Variants in NCAPD3 observed in about 807,000 individuals in gnomAD.
The protein encoded by NCAPD3 is non-SMC condensin II complex subunit D3, also known as condensin-2 complex subunit D3.
Under a neutral mutation model 182.9 loss-of-function variants are expected in NCAPD3, and 105 were observed. The ratio of observed to expected loss-of-function variants is 0.57; its 90% CI spans 0.49 to 0.68. The LOEUF is 0.68. Ranked by LOEUF, NCAPD3 falls within the 30% of genes least tolerant of loss-of-function variation. The probability of loss-of-function intolerance (pLI) is 0.00; values close to 1 mark genes in which losing one functional copy is unlikely to be tolerated. For missense variants in NCAPD3, 1,944 were observed against 1,837.0 expected (o/e 1.06, Z -1.07); for synonymous variants, 815 against 679.9 (o/e 1.20, Z -3.09).
chr11:134,181,219 C>T (rs757009323), intron 19 of NCAPD3, 35 bp from the exon 20 acceptor site: 56 of 1,399,110 alleles, frequency 4.0e-5, no homozygotes, highest in Admixed American at 3.6e-4. Flanking sequence ...TGAAGGGCCC[C>T]GCACATCTCC....
chr11:134,212,375 T>TTGTGTGTGTGTGTG (rs56807520), intron 3 of NCAPD3, among the ~76,000 whole-genome samples: 4,368 of 143,200 alleles, frequency 0.031, 136 homozygotes, highest in East Asian at 0.12. Flanking sequence ...TTTTGTTGTT[T>TTGTGTGTGTGTGTG]TGTGTGTGTG....
Position 134,152,975 on chromosome 11 carries a change from A to G in NCAPD3, c.4466T>C (p.Leu1489Pro). The change falls in exon 35 of 35, where the codon CTC (leucine) becomes CCC (proline). Residue 1489 changes from leucine to proline, a missense_variant. This residue lies in a region of NCAPD3 where 1,803 missense variants were observed against 1,674.6 expected (regional missense o/e 1.08). Coordinates refer to ENST00000534548, the MANE Select transcript of NCAPD3 (RefSeq NM_015261.3). ...GGCTGTTTTCAGAGGGGTCTTTCGGAGGGACCTCCTGCTGCAGGCTGGAGT... is the reference window on the plus strand; with the variant it reads ...GGCTGTTTTCAGAGGGGTCTTTCGGGGGGACCTCCTGCTGCAGGCTGGAGT... ...KDTPACSRRS[L>P]RKTPLKTAN The G allele has an allele frequency of 1.3e-6, 2 of 1,573,130 alleles. No individual in the cohort carries two copies. Among genetic ancestry groups the G allele is most frequent in the Non-Finnish European group, 1.7e-6 (2 of 1,159,074 alleles).
upstream of NCAPD3, chr11:134,225,254 G>T (rs763813492): frequency 1.9e-6 from 3 of 1,614,186 alleles, no homozygotes; most frequent in Non-Finnish European, 2.5e-6. Context: ...ACGACGGGGA[G>T]ACGGTCTCCG....
intron 29 of NCAPD3, among the ~76,000 whole-genome samples, 166 bp from the exon 30 acceptor site, chr11:134,158,661 G>C (rs532412073): frequency 6.6e-6 from 1 of 152,314 alleles, no homozygotes; most frequent in South Asian, 2.1e-4. Flanking sequence ...TCAAACGTGA[G>C]TATCTTTTCT....
Position 134,212,980 on chromosome 11 carries a change from T to C in NCAPD3, c.383-2526A>G, listed in dbSNP as rs560249711. Among the ~76,000 whole-genome samples, 7 of 152,242 alleles carry C rather than the reference T, an allele frequency of 4.6e-5. No homozygotes were observed. The East Asian group carries it at 1.4e-3, about 30-fold the overall frequency. On this transcript the variant is annotated intron_variant, in intron 3 of 34. Transcript: ENST00000534548. ...ACATTGATAATTACTCTAAATGTAA[T>C]CAGCTAAACAATTTAAACATTCTGA...
chr11:134,150,913 C>G lies in NCAPD3; in HGVS notation c.*2031G>C, dbSNP rs570589863. On this transcript the variant is annotated 3_prime_UTR_variant, in exon 35 of 35. Coordinates refer to ENST00000534548, the MANE Select transcript of NCAPD3 (RefSeq NM_015261.3). ...GGGGAGGAAAGTGAAACGCCTGAAT[C>G]AAAAGCAGTTTTCTAATTTTGACTT... 1.3e-5 allele frequency: 2 copies of G among 152,312 alleles called. No individual in the cohort carries two copies. Among genetic ancestry groups the G allele is most frequent in the Admixed American group, 6.5e-5 (1 of 15,302 alleles). The allele number at this position is 152,312 out of a possible 1,614,324, so 9.4% of individuals were successfully genotyped here. A position where few individuals can be genotyped will look rare whatever the true frequency, so the allele number is the denominator to read the frequency against.
chr11:134,215,100 G>A (rs79575070), intron 3 of NCAPD3, among the ~76,000 whole-genome samples: 3,889 of 152,206 alleles, frequency 0.026, 176 homozygotes, highest in African/African-American at 0.089. Context: ...AAAACCACAT[G>A]AGCACTTCAC....
chr11:134,198,550 C>T (rs564414546), intron 13 of NCAPD3, among the ~76,000 whole-genome samples: 2 of 152,312 alleles, frequency 1.3e-5, no homozygotes, highest in South Asian at 4.1e-4. Context: ...TGGTCACTCA[C>T]ATTTGGCTCA....
At chr11:134,196,753 A>G (rs1350158837) in intron 13 of NCAPD3, among the ~76,000 whole-genome samples, 1 of 152,082 alleles carries the variant, frequency 6.6e-6, no homozygotes, top group Non-Finnish European at 1.5e-5. Context: ...AGGACCAGAC[A>G]CTTAGTGGAG....
At chr11:134,161,126 G>A (rs934560697) in intron 28 of NCAPD3, among the ~76,000 whole-genome samples, 2 of 152,038 alleles carry the variant, frequency 1.3e-5, no homozygotes, top group Non-Finnish European at 2.9e-5. Flanking sequence ...AAAAAAAATT[G>A]TAGCATTTTT....
rs146098679 is a variant in NCAPD3, at chr11:134,204,823, TCACACACACA to T, written c.1089+66_1089+75del. ...CATTCCCAAGAACAAATACCCACAC[TCACACACACA>T]CACACACATTTATCTTCACACACGA... On this transcript the variant is annotated intron_variant, in intron 9 of 34. Coordinates refer to ENST00000534548, the MANE Select transcript of NCAPD3 (RefSeq NM_015261.3). This position sits in a 1 kb window ranked among gnomAD's most constrained non-coding sequence, Gnocchi z 4.3. The T allele has an allele frequency of 5.5e-6, 6 of 1,099,604 alleles. No individual in the cohort carries two copies. In the East Asian group the frequency reaches 1.3e-4, roughly 24 times the overall value. 68.1% of individuals were successfully genotyped at this position (1,099,604 alleles called of 1,614,324 possible). A position where few individuals can be genotyped will look rare whatever the true frequency, so the allele number is the denominator to read the frequency against.
intron 24 of NCAPD3, among the ~76,000 whole-genome samples, chr11:134,172,074 G>A (rs1944019595): frequency 6.6e-6 from 1 of 152,176 alleles, no homozygotes; most frequent in Non-Finnish European, 1.5e-5. Flanking sequence ...TCTGACACTG[G>A]AAGACAGCTG....
intron 24 of NCAPD3, among the ~76,000 whole-genome samples, chr11:134,174,382 C>CAAAAAAAAAAAAAAAAAAAAAA (rs34533048): frequency 1.9e-5 from 1 of 53,620 alleles, no homozygotes; most frequent in Non-Finnish European, 3.2e-5. Flanking sequence ...GACCCTGTCT[C>CAAAAAAAAAAAAAAAAAAAAAA]AAAAAAAAAA....
chr11:134,177,359 C>T lies in NCAPD3; in HGVS notation c.2881G>A (p.Val961Ile), dbSNP rs200082998. 130 of 1,614,268 alleles carry T rather than the reference C, an allele frequency of 8.1e-5. No homozygotes were observed. The highest frequency in any genetic ancestry group is 1.5e-4 in the Admixed American group (9 of 60,032). The stretch of plus-strand genomic sequence containing the variant: ...CAGAGATCGCACATTACAATGATGA[C>T]GTTGTTGCGGACAGCCACGTCCTCA... Reference protein sequence around the residue: ...VCEDVAVRNNVIIVMCDLCIR... With the variant: ...VCEDVAVRNNIIIVMCDLCIR... The change falls in exon 23 of 35, where the codon GTC becomes ATC. Residue 961 changes from valine to isoleucine, a missense_variant. This residue lies in a region of NCAPD3 where 1,803 missense variants were observed against 1,674.6 expected (regional missense o/e 1.08). Transcript: ENST00000534548.
Position 134,177,156 on chromosome 11 carries a change from A to G in NCAPD3, c.3021+63T>C. 3 of 1,291,050 alleles carry G rather than the reference A, an allele frequency of 2.3e-6. No homozygotes were observed. In the South Asian group the frequency reaches 3.6e-5, roughly 16 times the overall value. The allele number at this position is 1,291,050 out of a possible 1,614,324, so 80.0% of individuals were successfully genotyped here. On this transcript the variant is annotated intron_variant, in intron 23 of 34. Transcript: ENST00000534548. ...GCAAGCACATTTCCTATGCTACTCA[A>G]ATATTCCCTTAAACCAGAAGCAATG...
upstream of NCAPD3, chr11:134,225,420 C>A (rs761712816): frequency 6.8e-7 from 1 of 1,463,838 alleles, no homozygotes; most frequent in Middle Eastern, 1.7e-4. Flanking sequence ...GGGCCCAGCT[C>A]CTCCGGCGAG....
intron 11 of NCAPD3, among the ~76,000 whole-genome samples, chr11:134,203,411 G>C (rs1240336818): frequency 6.6e-6 from 1 of 152,176 alleles, no homozygotes; most frequent in Non-Finnish European, 1.5e-5. Context: ...AACAGTAAAG[G>C]TAGCCACCAA....
intron 1 of NCAPD3, among the ~76,000 whole-genome samples, chr11:134,221,795 T>C (rs569803271): frequency 2.0e-4 from 31 of 152,324 alleles, no homozygotes; most frequent in Admixed American, 2.0e-3. Flanking sequence ...ACTAGTTCCA[T>C]CCTTAGAATA....
At chr11:134,176,503 G>T in intron 23 of NCAPD3, 117 bp from the exon 24 acceptor site, 1 of 785,270 alleles carries the variant, frequency 1.3e-6, no homozygotes, top group Non-Finnish European at 2.2e-6. Context: ...TGAGTGCACA[G>T]GCACACACTT....
Sources: gnomAD v4.1 joint callset for allele counts (sites outside exome capture counted in the v4.1 genomes callset) on GRCh38, gnomAD v4.1.1 for gene constraint, gnomAD v4.1.1 regional missense constraint, Gnocchi (gnomAD v3.1) non-coding constraint, MANE v1.5 for transcripts, NCBI Gene and HGNC (gene_info 2026-07-23, HGNC 2026-07-21) for gene names.